The following NGEF variants were observed in gnomAD, a reference collection of about 807,000 sequenced individuals.
NGEF encodes the protein ephexin-1.
Under a neutral mutation model 80.9 loss-of-function variants are expected in NGEF, and 31 were observed. The ratio of observed to expected loss-of-function variants is 0.38; its 90% confidence interval spans 0.29 to 0.52. The LOEUF (loss-of-function observed/expected upper bound fraction) is 0.52. Among genes scored for constraint, NGEF ranks in the 20% least tolerant of loss-of-function variants. NGEF has a pLI of 0.84. For missense variants in NGEF, 709 were observed against 926.2 expected (o/e 0.77, Z 3.04); for synonymous variants, 371 against 370.2 (o/e 1.00, Z -0.03).
At chr2:233,010,545 T>C (rs550449305) in intron 1 of NGEF, among the ~76,000 whole-genome samples, 1 of 152,122 alleles carries the variant, frequency 6.6e-6, no homozygotes, top group African/African-American at 2.4e-5. Flanking sequence ...ATCCCTTTGA[T>C]GGTGCCCATC....
chr2:232,883,052 AACACACACACACAC>A (rs57854484), intron 12 of NGEF, among the ~76,000 whole-genome samples: 20 of 150,378 alleles, frequency 1.3e-4, no homozygotes, highest in Admixed American at 2.6e-4. Context: ...GCCCCAAGGG[AACACACACACACAC>A]ACACACACAC....
chr2:233,011,295 TG>T (rs552552648), intron 1 of NGEF, among the ~76,000 whole-genome samples: 2 of 152,144 alleles, frequency 1.3e-5, no homozygotes, highest in African/African-American at 2.4e-5. Flanking sequence ...GGGGTTGTGC[TG>T]GGGGGTGACT....
chr2:232,880,686 G>T (rs182544637), intron 14 of NGEF, among the ~76,000 whole-genome samples: 1 of 152,356 alleles, frequency 6.6e-6, no homozygotes, highest in Admixed American at 6.5e-5. Flanking sequence ...ACAGCAGCAG[G>T]GGTGGCCAGG....
At chr2:232,919,829 C>T (rs1379682526) in intron 5 of NGEF, among the ~76,000 whole-genome samples, 1 of 152,154 alleles carries the variant, frequency 6.6e-6, no homozygotes, top group Non-Finnish European at 1.5e-5. Flanking sequence ...TCAGAGACCC[C>T]ATTCATCCGA....
rs564993879 is a variant in NGEF at position 232,947,960 on chromosome 2, A to T, written c.384-20774T>A. On this transcript the variant is annotated intron_variant, in intron 3 of 14. Coordinates refer to ENST00000264051, the MANE Select transcript of NGEF (RefSeq NM_019850.3). ...TAAAAAAACGTATTGACACATACTT[A>T]TAGGGTACATGTGATATTTTGTTAC... Among the ~76,000 whole-genome samples the T allele has an allele frequency of 5.3e-5, 8 of 152,372 alleles. No homozygotes were observed. The East Asian group carries it at 1.5e-3, about 29-fold the overall frequency.
intron 5 of NGEF, among the ~76,000 whole-genome samples, chr2:232,905,454 A>G (rs987462522): frequency 6.6e-6 from 1 of 151,610 alleles, no homozygotes; most frequent in Non-Finnish European, 1.5e-5. Flanking sequence ...GCTCGCTACA[A>G]CCTCCACCTC....
intron 4 of NGEF, among the ~76,000 whole-genome samples, chr2:232,926,377 T>C (rs1693067752): frequency 6.6e-6 from 1 of 151,302 alleles, no homozygotes; most frequent in Admixed American, 6.6e-5. Flanking sequence ...AGTTCTTGGG[T>C]CACTATTTGA....
At chr2:232,888,477 G>A (rs1559192703) in intron 8 of NGEF, among the ~76,000 whole-genome samples, 1 of 151,674 alleles carries the variant, frequency 6.6e-6, no homozygotes, top group African/African-American at 2.4e-5. Context: ...CAAGCACAGT[G>A]CACACACATG....
chr2:232,950,177 C>A (rs1024186210), intron 3 of NGEF, among the ~76,000 whole-genome samples: 1 of 152,132 alleles, frequency 6.6e-6, no homozygotes, highest in Non-Finnish European at 1.5e-5. Flanking sequence ...ACATTTCTTT[C>A]TTTACTAGTG....
intron 1 of NGEF, among the ~76,000 whole-genome samples, chr2:232,980,345 A>G (rs1694387596): frequency 6.6e-6 from 1 of 151,996 alleles, no homozygotes; most frequent in Non-Finnish European, 1.5e-5. Flanking sequence ...GCAGGGGAGG[A>G]AGGCACAGGG....
At chr2:232,905,770 G>A (rs1276284118) in intron 5 of NGEF, 1 of 368,502 alleles carries the variant, frequency 2.7e-6, no homozygotes, top group African/African-American at 2.2e-5. Flanking sequence ...TCTGGGATGT[G>A]AGGAGACCCT....
rs377161498 is a variant in NGEF at position 232,927,234 on chromosome 2, T to G, written c.384-48A>C. On this transcript the variant is annotated intron_variant, in intron 3 of 14. Transcript: ENST00000264051. ...GGGGCTGGTTATTTTTAAGCAAGGA[T>G]TCACCTCGGCTGGCTAGCGAGGGGC... 270 of 1,509,976 alleles carry G rather than the reference T, an allele frequency of 1.8e-4. No individual in the cohort carries two copies. In the African/African-American group the frequency reaches 3.6e-3, roughly 20 times the overall value. The allele number at this position is 1,509,976 out of a possible 1,614,324, so 93.5% of individuals were successfully genotyped here.
chr2:232,893,110 C>T (rs1559195270), intron 6 of NGEF, 60 bp from the exon 7 acceptor site: 7 of 1,549,456 alleles, frequency 4.5e-6, no homozygotes, highest in Non-Finnish European at 5.3e-6. Context: ...GGAATTGTCT[C>T]ACCAAGGGCA....
intron 5 of NGEF, among the ~76,000 whole-genome samples, chr2:232,905,364 G>A (rs1272224099): frequency 1.3e-5 from 2 of 152,250 alleles, no homozygotes; most frequent in African/African-American, 4.8e-5. Context: ...TCGGCCTCCC[G>A]AGGTGCCAGG....
At chr2:233,003,169 G>A (rs116713888) in intron 1 of NGEF, among the ~76,000 whole-genome samples, 4,789 of 152,268 alleles carry the variant, frequency 0.031, 92 homozygotes, top group South Asian at 0.079. Context: ...GGGAGGTGGC[G>A]GAGCATTCCT....
chr2:232,921,754 C>G (rs1358180173), intron 4 of NGEF, among the ~76,000 whole-genome samples: 1 of 151,940 alleles, frequency 6.6e-6, no homozygotes, highest in Non-Finnish European at 1.5e-5. Context: ...GCTGGGATTA[C>G]AGACGTGAAC....
intron 5 of NGEF, among the ~76,000 whole-genome samples, chr2:232,906,932 TGG>T: frequency 6.6e-6 from 1 of 151,112 alleles, no homozygotes; most frequent in Non-Finnish European, 1.5e-5. Flanking sequence ...CAGGGTTAAA[TGG>T]ATTAAGGGCG....
chr2:232,886,127 A>G (rs199714796), intron 9 of NGEF, among the ~76,000 whole-genome samples: 3 of 23,692 alleles, frequency 1.3e-4, no homozygotes, highest in African/African-American at 3.9e-4. Context: ...TGTGCTGTGT[A>G]TATGCAGTGT....
chr2:232,961,932 A>G (rs1337799130), intron 3 of NGEF, among the ~76,000 whole-genome samples: 1 of 152,092 alleles, frequency 6.6e-6, no homozygotes, highest in East Asian at 1.9e-4. Context: ...AGAAACAGGG[A>G]GGAGGGGGCC....
Sources: gnomAD v4.1 joint callset for allele counts (sites outside exome capture counted in the v4.1 genomes callset) on GRCh38, gnomAD v4.1.1 for gene constraint, MANE v1.5 for transcripts, NCBI Gene and HGNC (gene_info 2026-07-23, HGNC 2026-07-21) for gene names.